The following PARD3B variants were observed in gnomAD, a reference collection of about 807,000 sequenced individuals.
PARD3B encodes the protein partitioning defective 3 homolog B.
Under a neutral mutation model 130.2 loss-of-function variants are expected in PARD3B, and 103 were observed. The observed-to-expected ratio is 0.79, with a 90% CI of 0.67 to 0.93. PARD3B has a LOEUF of 0.93. PARD3B is among the 40% of genes least tolerant of loss of function. The pLI is 0.00. For missense variants in PARD3B, 1,609 were observed against 1,499.2 expected, an observed-to-expected ratio of 1.07 and a Z score of -1.21; for synonymous variants, 583 against 553.2, an observed-to-expected ratio of 1.05 and a Z score of -0.76.
At chr2:205,517,717 A>T (rs73060103) in intron 21 of PARD3B, among the ~76,000 whole-genome samples, 1 of 152,132 alleles carries the variant, frequency 6.6e-6, no homozygotes. Context: ...GGATGTGAGC[A>T]GTTATTGCTG....
rs528518830 is a variant in PARD3B, at chr2:204,653,314, AAAAG to A, written c.121-32862_121-32859del. 9.9e-4 allele frequency among the ~76,000 whole-genome samples: 150 copies of A among 151,164 alleles called. 3 individuals carry two copies. The Middle Eastern group carries it at 0.014, about 14-fold the overall frequency. ...AAAAAAAAACCTAGCTATTATGGAA[AAAAG>A]AAAGTCATTGTAACCCCTTCTGTTA... On this transcript the variant is annotated intron_variant, in intron 1 of 22. Coordinates refer to ENST00000406610, the MANE Select transcript of PARD3B (RefSeq NM_001302769.2).
chr2:205,256,364 T>C (rs2040083760), intron 16 of PARD3B, among the ~76,000 whole-genome samples: 1 of 152,140 alleles, frequency 6.6e-6, no homozygotes, highest in Non-Finnish European at 1.5e-5. Context: ...TATACCAGGC[T>C]CTTTGCCAAC....
chr2:205,235,635 C>T (rs944656827), intron 15 of PARD3B, among the ~76,000 whole-genome samples: 1 of 152,066 alleles, frequency 6.6e-6, no homozygotes, highest in Non-Finnish European at 1.5e-5. Context: ...GGCTACTGTG[C>T]ACAAAGGGGA....
At chr2:204,793,558 A>T (rs2042268014) in intron 2 of PARD3B, among the ~76,000 whole-genome samples, 1 of 152,002 alleles carries the variant, frequency 6.6e-6, no homozygotes. Context: ...CCCAGGCTGG[A>T]GTGCAATGGC....
Position 205,301,820 on chromosome 2 carries a change from C to G in PARD3B, c.2630+119C>G, listed in dbSNP as rs776396097. ...TTCCTCGTCTTCAGCCAAATGCATA[C>G]GGCTCTCAATTCTGTGCTCGTTCTC... is the stretch of plus-strand genomic sequence containing the variant. On this transcript the variant is annotated intron_variant, in intron 18 of 22. Transcript: ENST00000406610. The surrounding 1 kb of genome is among the most constrained non-coding windows in gnomAD (Gnocchi z 5.2). The G allele has an allele frequency of 2.2e-5, 32 of 1,464,558 alleles. No homozygotes were observed. Among genetic ancestry groups the G allele is most frequent in the Non-Finnish European group, 2.6e-5 (27 of 1,043,952 alleles). The allele number at this position is 1,464,558 out of a possible 1,614,324, so 90.7% of individuals were successfully genotyped here.
chr2:205,110,817 TTCTAC>T (rs1703592229), intron 5 of PARD3B, among the ~76,000 whole-genome samples: 2 of 152,114 alleles, frequency 1.3e-5, no homozygotes, highest in African/African-American at 4.8e-5. Context: ...AGTCCCTGAA[TTCTAC>T]TCTAGAGTTT....
rs7593014 is a variant in PARD3B at position 205,236,565 on chromosome 2, G to A, written c.2141-9213G>A. On this transcript the variant is annotated intron_variant, in intron 15 of 22. Coordinates refer to ENST00000406610, the MANE Select transcript of PARD3B (RefSeq NM_001302769.2). ...TTGGACTTCTATCCTCCAGAAATGT[G>A]AGAAAATAAATTTGTCCAAGCCACC... 7.4e-3 allele frequency among the ~76,000 whole-genome samples: 1,132 copies of A among 152,134 alleles called. 17 individuals carry two copies. Among genetic ancestry groups the A allele is most frequent in the African/African-American group, 0.026 (1,063 of 41,494 alleles).
chr2:205,454,387 G>C (rs2048202293), intron 20 of PARD3B, among the ~76,000 whole-genome samples: 1 of 152,100 alleles, frequency 6.6e-6, no homozygotes, highest in Non-Finnish European at 1.5e-5. Flanking sequence ...GGATGAAAAA[G>C]GGCCGGAAAA....
intron 15 of PARD3B, among the ~76,000 whole-genome samples, chr2:205,195,546 G>A (rs2036636010): frequency 6.6e-6 from 1 of 152,138 alleles, no homozygotes. Context: ...ATTCACTTAG[G>A]TGATACCGCA....
intron 2 of PARD3B, among the ~76,000 whole-genome samples, chr2:204,824,994 A>T (rs1174147568): frequency 6.6e-6 from 1 of 152,164 alleles, no homozygotes; most frequent in Non-Finnish European, 1.5e-5. Flanking sequence ...GAAGTGAGGC[A>T]TCTAATTTGA....
intron 2 of PARD3B, among the ~76,000 whole-genome samples, chr2:204,802,693 G>C (rs904093121): frequency 6.6e-6 from 1 of 152,098 alleles, no homozygotes; most frequent in Non-Finnish European, 1.5e-5. Context: ...CCTTTGCAGG[G>C]ACATGGATGA....
At chr2:205,283,685 A>C (rs534786176) in intron 16 of PARD3B, among the ~76,000 whole-genome samples, 1 of 152,358 alleles carries the variant, frequency 6.6e-6, no homozygotes, top group African/African-American at 2.4e-5. Context: ...AACAGTATGT[A>C]GAATTTGAAA....
intron 1 of PARD3B, among the ~76,000 whole-genome samples, chr2:204,549,335 A>C (rs78599416): frequency 6.6e-6 from 1 of 152,242 alleles, no homozygotes; most frequent in East Asian, 1.9e-4. Context: ...AATTTAGTGA[A>C]GTTGTTAGTG....
intron 2 of PARD3B, among the ~76,000 whole-genome samples, chr2:204,709,848 T>C (rs1030672284): frequency 6.6e-6 from 1 of 152,220 alleles, no homozygotes; most frequent in African/African-American, 2.4e-5. Context: ...ATCAAGCATT[T>C]GCTAATAGCC....
intron 18 of PARD3B, among the ~76,000 whole-genome samples, chr2:205,339,998 G>A (rs79169455): frequency 0.034 from 5,212 of 152,068 alleles, 106 homozygotes; most frequent in Middle Eastern, 0.058. Context: ...AAACAATTAT[G>A]TGTGTCCTAA....
Position 204,928,559 on chromosome 2 carries a change from A to G in PARD3B, c.223-36593A>G, listed in dbSNP as rs568958594. 2.0e-5 allele frequency among the ~76,000 whole-genome samples: 3 copies of G among 152,230 alleles called. No individual in the cohort carries two copies. The East Asian group carries it at 5.8e-4, about 29-fold the overall frequency. ...TGTGACTTGGTGCTTAAACAAGTGG[A>G]GTTCTAAATCATTTGCAGGGCAATA... On this transcript the variant is annotated intron_variant, in intron 2 of 22. Coordinates refer to ENST00000406610, the MANE Select transcript of PARD3B (RefSeq NM_001302769.2).
intron 22 of PARD3B, among the ~76,000 whole-genome samples, chr2:205,608,221 A>C (rs1380013781): frequency 6.6e-6 from 1 of 152,172 alleles, no homozygotes; most frequent in African/African-American, 2.4e-5. Flanking sequence ...CCTAAGGGGC[A>C]GGAGGAAATC....
In PARD3B at chr2:205,309,944, G is replaced by T. The variant is rs922119907; in HGVS notation, c.2630+8243G>T. Among the ~76,000 whole-genome samples the T allele has an allele frequency of 1.3e-5, 2 of 151,646 alleles. 1 individual carries two copies. The highest frequency in any genetic ancestry group is 1.3e-4 in the Admixed American group (2 of 15,212). The stretch of plus-strand genomic sequence containing the variant: ...TCTATCTATCATCTATTTTTCATTG[G>T]AAAGTAAAAACTGTCTATATATGGT... On this transcript the variant is annotated intron_variant, in intron 18 of 22. Coordinates refer to ENST00000406610, the MANE Select transcript of PARD3B (RefSeq NM_001302769.2). The surrounding 1 kb of genome is among the most constrained non-coding windows in gnomAD (Gnocchi z 4.7).
At position 204,917,417 on chromosome 2, in the gene PARD3B, A is replaced by G. The variant is rs189453368; in HGVS notation, c.223-47735A>G. Among the ~76,000 whole-genome samples, 88 of 152,298 alleles carry G rather than the reference A, an allele frequency of 5.8e-4. 1 individual carries two copies. Among genetic ancestry groups the G allele is most frequent in the Admixed American group, 2.9e-3 (45 of 15,292 alleles). On this transcript the variant is annotated intron_variant, in intron 2 of 22. Coordinates refer to ENST00000406610, the MANE Select transcript of PARD3B (RefSeq NM_001302769.2). ...TTGGGTATTCAGGATGGATTGATTT[A>G]TTTCATGTGAGGAGTGAGAGGACCA...
Sources: gnomAD v4.1 joint callset for allele counts (sites outside exome capture counted in the v4.1 genomes callset) on GRCh38, gnomAD v4.1.1 for gene constraint, Gnocchi (gnomAD v3.1) non-coding constraint, MANE v1.5 for transcripts, NCBI Gene and HGNC (gene_info 2026-07-23, HGNC 2026-07-21) for gene names.